PCSK2: variants seen among roughly 807,000 people sequenced by gnomAD.
PCSK2 encodes proprotein convertase subtilisin/kexin type 2.
PCSK2 carries 14 observed loss-of-function variants against 69.7 expected under a neutral mutation model. The observed-to-expected ratio is 0.20, with a 90% CI of 0.13 to 0.31. The LOEUF (loss-of-function observed/expected upper bound fraction) is 0.31, where lower values mean the gene tolerates loss of function less well. Among genes scored for constraint, PCSK2 ranks in the 10% least tolerant of loss-of-function variants. The probability of loss-of-function intolerance (pLI) is 1.00; values close to 1 mark genes in which losing one functional copy is unlikely to be tolerated. For synonymous variants in PCSK2, 307 were observed against 320.7 expected (o/e 0.96, Z 0.46); for missense variants, 544 against 842.5 (o/e 0.65, Z 4.39).
chr20:17,293,303 TTATAA>T (rs1988760472), intron 2 of PCSK2, among the ~76,000 whole-genome samples: 1 of 152,226 alleles, frequency 6.6e-6, no homozygotes, highest in Non-Finnish European at 1.5e-5. Context: ...AACTTGTGTT[TTATAA>T]TATATTTATA....
chr20:17,391,139 G>C (rs1207099176), intron 5 of PCSK2, among the ~76,000 whole-genome samples: 1 of 152,128 alleles, frequency 6.6e-6, no homozygotes, highest in Non-Finnish European at 1.5e-5. Flanking sequence ...GAGTCAAGTA[G>C]TACATGCAAT....
intron 2 of PCSK2, among the ~76,000 whole-genome samples, chr20:17,319,144 C>A (rs932629440): frequency 1.3e-5 from 2 of 152,076 alleles, no homozygotes; most frequent in African/African-American, 2.4e-5. Flanking sequence ...TATACCTGGG[C>A]TCCTATAATT....
At chr20:17,296,749 G>A (rs1481594753) in intron 2 of PCSK2, among the ~76,000 whole-genome samples, 1 of 152,142 alleles carries the variant, frequency 6.6e-6, no homozygotes, top group Admixed American at 6.5e-5. Context: ...AGTGTGAGAA[G>A]GATTTTTCTT....
intron 11 of PCSK2, among the ~76,000 whole-genome samples, chr20:17,477,520 C>T (rs2033313750): frequency 6.6e-6 from 1 of 151,988 alleles, no homozygotes; most frequent in African/African-American, 2.4e-5. Context: ...GGCACAAAAG[C>T]CAGCAGCATA....
At chr20:17,244,362 T>C (rs1986694693) in intron 1 of PCSK2, among the ~76,000 whole-genome samples, 1 of 152,218 alleles carries the variant, frequency 6.6e-6, no homozygotes, top group Non-Finnish European at 1.5e-5. Flanking sequence ...GGGTTAAACT[T>C]TGTCACCAAC....
chr20:17,296,076 G>A (rs1020246963), intron 2 of PCSK2, among the ~76,000 whole-genome samples: 2 of 152,142 alleles, frequency 1.3e-5, no homozygotes, highest in Non-Finnish European at 2.9e-5. Flanking sequence ...CAAAGCCCCA[G>A]AATCTGGTGT....
At chr20:17,231,839 T>C (rs866955621) in intron 1 of PCSK2, among the ~76,000 whole-genome samples, 1 of 151,984 alleles carries the variant, frequency 6.6e-6, no homozygotes, top group Middle Eastern at 3.4e-3. Context: ...AGGAATTGAG[T>C]TTCTTGTGGT....
chr20:17,357,165 T>C (rs2030232091), intron 2 of PCSK2, among the ~76,000 whole-genome samples: 1 of 152,226 alleles, frequency 6.6e-6, no homozygotes, highest in South Asian at 2.1e-4. Flanking sequence ...AGTTTCCTGA[T>C]TAAAACAAAG....
In PCSK2 at chr20:17,453,946, G is replaced by A. The variant is rs777932064; in HGVS notation, c.1090G>A (p.Glu364Lys). The A allele has an allele frequency of 3.1e-6, 5 of 1,614,172 alleles. No homozygotes were observed. Among genetic ancestry groups the A allele is most frequent in the African/African-American group, 1.3e-5 (1 of 75,052 alleles). ...TFSNGRKRNP[E>K]AGVATTDLYG... ...CAGCAACGGGAGGAAAAGGAACCCC[G>A]AGGCCGGTGTGGTGAGCACGTCCCC... Residue 364 changes from glutamate to lysine, a missense_variant, in exon 9 of 12, where the codon GAG becomes AAG. Glu to Lys is a moderately conservative substitution (Grantham distance 56). Coordinates refer to ENST00000262545, the MANE Select transcript of PCSK2 (RefSeq NM_002594.5). This position sits in a 1 kb window ranked among gnomAD's most constrained non-coding sequence, Gnocchi z 4.0.
At chr20:17,454,773 G>C (rs997524955) in intron 9 of PCSK2, among the ~76,000 whole-genome samples, 5 of 152,174 alleles carry the variant, frequency 3.3e-5, no homozygotes, top group African/African-American at 7.2e-5. Context: ...CTCCACTGAG[G>C]CTTCTTGAGA....
intron 1 of PCSK2, among the ~76,000 whole-genome samples, chr20:17,247,863 C>T (rs1319438408): frequency 2.6e-5 from 4 of 152,162 alleles, no homozygotes; most frequent in Non-Finnish European, 5.9e-5. Flanking sequence ...GAGTTCCCTA[C>T]TGCTGGGAAA....
At chr20:17,387,493 G>GCTGTTGGCAGGAGGCCTCAGTT (rs2031266946) in intron 5 of PCSK2, among the ~76,000 whole-genome samples, 1 of 152,162 alleles carries the variant, frequency 6.6e-6, no homozygotes, top group African/African-American at 2.4e-5. Context: ...TCACATGGTG[G>GCTGTTGGCAGGAGGCCTCAGTT]CTGTTGGCAG....
intron 6 of PCSK2, among the ~76,000 whole-genome samples, chr20:17,416,630 T>G (rs533991652): frequency 6.6e-6 from 1 of 152,098 alleles, no homozygotes; most frequent in South Asian, 2.1e-4. Flanking sequence ...CTCAAGGATC[T>G]AGAACTAGAA....
chr20:17,431,864 A>G lies in PCSK2; in HGVS notation c.709+2341A>G, dbSNP rs142645114. On this transcript the variant is annotated intron_variant, in intron 7 of 11. Transcript: ENST00000262545. ...GTTGGCTGGTTTTTAATTATTTGCTAAAAATGAGCCAAACCCTCCAGAGAA... is the reference window on the plus strand; with the variant it reads ...GTTGGCTGGTTTTTAATTATTTGCTGAAAATGAGCCAAACCCTCCAGAGAA... Among the ~76,000 whole-genome samples, 320 of 152,362 alleles carry G rather than the reference A, an allele frequency of 2.1e-3. 2 individuals carry two copies. Among genetic ancestry groups the G allele is most frequent in the African/African-American group, 7.4e-3 (306 of 41,590 alleles).
intron 2 of PCSK2, among the ~76,000 whole-genome samples, chr20:17,331,944 T>C (rs1327692284): frequency 6.6e-6 from 1 of 152,212 alleles, no homozygotes; most frequent in Non-Finnish European, 1.5e-5. Context: ...GAAGCTCTTC[T>C]ATTATCAAAA....
chr20:17,428,446 A>G (rs2123335718), intron 6 of PCSK2, among the ~76,000 whole-genome samples: 1 of 152,204 alleles, frequency 6.6e-6, no homozygotes, highest in Non-Finnish European at 1.5e-5. Flanking sequence ...CTTGCATGTG[A>G]TATTTTTAAG....
intron 2 of PCSK2, among the ~76,000 whole-genome samples, chr20:17,314,321 A>G (rs988846502): frequency 6.6e-6 from 1 of 152,228 alleles, no homozygotes; most frequent in Non-Finnish European, 1.5e-5. Context: ...AGGCTTGAAA[A>G]TAATGCTGAG....
intron 2 of PCSK2, among the ~76,000 whole-genome samples, chr20:17,303,424 A>G (rs187140793): frequency 0.012 from 1,328 of 110,688 alleles, 39 homozygotes; most frequent in African/African-American, 0.047. Context: ...ATGGTTATAT[A>G]TTTTTAATAT....
At chr20:17,345,768 T>G (rs1462775855) in intron 2 of PCSK2, among the ~76,000 whole-genome samples, 1 of 152,162 alleles carries the variant, frequency 6.6e-6, no homozygotes, top group Admixed American at 6.6e-5. Flanking sequence ...GGGCATAGTC[T>G]TTAGCATTCA....
Sources: allele counts gnomAD v4.1 joint callset (sites outside exome capture counted in the v4.1 genomes callset), GRCh38; gene constraint gnomAD v4.1.1; non-coding constraint Gnocchi (gnomAD v3.1); transcripts MANE v1.5; gene names NCBI Gene and HGNC (gene_info 2026-07-23, HGNC 2026-07-21).